The following SMLR1 variants were observed in gnomAD, a reference collection of about 807,000 sequenced individuals.
SMLR1 encodes the protein small leucine-rich protein 1.
A neutral mutation model predicts 6.1 loss-of-function variants in SMLR1; 3 were observed. That is an observed-to-expected ratio of 0.49 (90% CI 0.22 to 1.28). The LOEUF (loss-of-function observed/expected upper bound fraction) is 1.28, where lower values mean the gene tolerates loss of function less well. Ranked by LOEUF, SMLR1 falls within the 50% of genes most tolerant of loss-of-function variation. SMLR1 has a pLI of 0.19. For missense variants in SMLR1, 126 were observed against 124.8 expected (o/e 1.01, Z -0.05); for synonymous variants, 55 against 53.6 (o/e 1.03, Z -0.11).
At position 130,832,045 on chromosome 6, in the gene SMLR1, G is replaced by A. The variant is rs375756836; in HGVS notation, c.239-2825G>A. ...AATTTCCTTGAGGAGTAGCTCTTGG[G>A]GTGGAAGTATGTGTCATGAACTTCC... On this transcript the variant is annotated intron_variant, in intron 1 of 1. Coordinates refer to ENST00000541421, the MANE Select transcript of SMLR1 (RefSeq NM_001195597.2). Among the ~76,000 whole-genome samples the A allele has an allele frequency of 7.2e-5, 11 of 152,210 alleles. No homozygotes were observed. The South Asian group carries it at 1.9e-3, about 26-fold the overall frequency.
rs1419032666 is a variant in SMLR1, at chr6:130,834,876, AAGAACTGTCCC to A, written c.254_264del (p.Ser85Ter). The A allele has an allele frequency of 6.5e-7, 1 of 1,534,972 alleles. No individual in the cohort carries two copies. The highest frequency in any genetic ancestry group is 8.7e-7 in the Non-Finnish European group (1 of 1,146,158). On this transcript the variant is annotated frameshift_variant, in exon 2 of 2. Transcript: ENST00000541421. LOFTEE classifies it low-confidence loss of function (END_TRUNC). ...CTAATATTTTTCCTTTCAGTTAATG[AAGAACTGTCCC>A]AGAACTGTGATCGCCAACATAATCC...
chr6:130,833,610 T>G (rs991116995), intron 1 of SMLR1, among the ~76,000 whole-genome samples: 1 of 152,182 alleles, frequency 6.6e-6, no homozygotes, highest in Non-Finnish European at 1.5e-5. Context: ...TTGGGCAAAT[T>G]ACTTCATCAT....
intron 1 of SMLR1, among the ~76,000 whole-genome samples, chr6:130,833,191 C>T (rs368537846): frequency 6.6e-6 from 1 of 152,148 alleles, no homozygotes; most frequent in Admixed American, 6.5e-5. Flanking sequence ...TTACTTCTCT[C>T]ACTCTCCATA....
At chr6:130,829,378 T>C (rs1188933716) in intron 1 of SMLR1, among the ~76,000 whole-genome samples, 3 of 152,164 alleles carry the variant, frequency 2.0e-5, no homozygotes, top group Non-Finnish European at 4.4e-5. Flanking sequence ...TGGTATTTTA[T>C]TTAGATAATT....
rs531713753 is a variant in SMLR1 at position 130,835,209 on chromosome 6, G to A, written c.*254G>A. 12 of 385,032 alleles carry A rather than the reference G, an allele frequency of 3.1e-5. No homozygotes were observed. The highest frequency in any genetic ancestry group is 5.2e-5 in the Non-Finnish European group (11 of 210,008). 23.9% of individuals were successfully genotyped at this position (385,032 alleles called of 1,614,324 possible). ...CCTGGGTATATACACTGGACACATT[G>A]TAACTTTTTAACTTTTATTGTGACT... On this transcript the variant is annotated 3_prime_UTR_variant, in exon 2 of 2. Coordinates refer to ENST00000541421, the MANE Select transcript of SMLR1 (RefSeq NM_001195597.2).
At chr6:130,830,396 T>C (rs1016974624) in intron 1 of SMLR1, among the ~76,000 whole-genome samples, 2 of 151,670 alleles carry the variant, frequency 1.3e-5, no homozygotes, top group Non-Finnish European at 1.5e-5. Context: ...GAAGAGTGAG[T>C]GAGGAGGCAG....
chr6:130,834,921 G>C lies in SMLR1; in HGVS notation c.290G>C (p.Gly97Ala), dbSNP rs1162030305. The change falls in exon 2 of 2, where the codon GGC becomes GCC. Residue 97 changes from glycine to alanine, a missense_variant. Transcript: ENST00000541421. ...GATCGCCAACATAATCCCAAGGATGGCTCTTCCCTGTACCAGAGAATGAAA... is the reference window on the plus strand; with the variant it reads ...GATCGCCAACATAATCCCAAGGATGCCTCTTCCCTGTACCAGAGAATGAAA... The part of the protein sequence containing the change: ...NCDRQHNPKD[G>A]SSLYQRMKWT 2.6e-6 allele frequency: 4 copies of C among 1,535,246 alleles called. No individual in the cohort carries two copies. In the African/African-American group the frequency reaches 4.1e-5, roughly 16 times the overall value.
At chr6:130,827,731 T>C in intron 1 of SMLR1, 80 bp downstream of exon 1, 2 of 1,021,746 alleles carry the variant, frequency 2.0e-6, no homozygotes, top group Non-Finnish European at 2.9e-6. Flanking sequence ...GCACTGTCAG[T>C]GTTTTCTGGC....
At chr6:130,828,901 C>T (rs897215640) in intron 1 of SMLR1, among the ~76,000 whole-genome samples, 5 of 152,140 alleles carry the variant, frequency 3.3e-5, no homozygotes, top group East Asian at 1.9e-4. Flanking sequence ...CACTGAACCC[C>T]GGAAGTAGCC....
rs183613900 is a variant in SMLR1 at position 130,836,034 on chromosome 6, G to A, written c.*1079G>A. 11 of 152,272 alleles carry A rather than the reference G, an allele frequency of 7.2e-5. No homozygotes were observed. Among genetic ancestry groups the A allele is most frequent in the Non-Finnish European group, 1.3e-4 (9 of 68,010 alleles). The allele number at this position is 152,272 out of a possible 1,614,324, so 9.4% of individuals were successfully genotyped here. On this transcript the variant is annotated 3_prime_UTR_variant, in exon 2 of 2. Coordinates refer to ENST00000541421, the MANE Select transcript of SMLR1 (RefSeq NM_001195597.2). ...AGTAGTGGCTTACAGTCATACTAAA[G>A]GTTGTGTGGATGACCCAAAGCAAAA...
chr6:130,834,779 T>C, intron 1 of SMLR1, 91 bp from the exon 2 acceptor site: 2 of 1,044,490 alleles, frequency 1.9e-6, no homozygotes, highest in South Asian at 1.4e-5. Flanking sequence ...GCCACCAGTG[T>C]CAGATATGCT....
At chr6:130,834,803 T>C (rs1466361928) in intron 1 of SMLR1, 67 bp from the exon 2 acceptor site, 1 of 1,359,986 alleles carries the variant, frequency 7.4e-7, no homozygotes, top group East Asian at 2.5e-5. Context: ...CAACAGCCCT[T>C]ATGAACTCTA....
chr6:130,828,762 G>T (rs6908659), intron 1 of SMLR1, among the ~76,000 whole-genome samples: 101,175 of 151,918 alleles, frequency 0.67, 34,244 homozygotes, highest in South Asian at 0.83. Context: ...TTTTGCTGAG[G>T]GGTCAAGCCA....
In SMLR1 at chr6:130,835,939, T is replaced by C. The variant is rs922826241; in HGVS notation, c.*984T>C. 3 of 152,184 alleles carry C rather than the reference T, an allele frequency of 2.0e-5. No homozygotes were observed. The highest frequency in any genetic ancestry group is 7.2e-5 in the African/African-American group (3 of 41,456). 9.4% of individuals were successfully genotyped at this position (152,184 alleles called of 1,614,324 possible). ...TACATTCCAATCTTTGTGCAGGACA[T>C]TAACAGGCTGAGTGATCCACTTTAT... On this transcript the variant is annotated 3_prime_UTR_variant, in exon 2 of 2. Transcript: ENST00000541421.
At chr6:130,832,318 G>A (rs1010032643) in intron 1 of SMLR1, among the ~76,000 whole-genome samples, 5 of 152,030 alleles carry the variant, frequency 3.3e-5, no homozygotes, top group Non-Finnish European at 7.4e-5. Context: ...GTTTTTGCAC[G>A]GAGTTGGACC....
At chr6:130,834,102 G>A (rs1774560500) in intron 1 of SMLR1, among the ~76,000 whole-genome samples, 1 of 152,178 alleles carries the variant, frequency 6.6e-6, no homozygotes, top group Non-Finnish European at 1.5e-5. Context: ...TGTGTCTTCT[G>A]ATGTACGAGG....
rs558153221 is a variant in SMLR1 at position 130,836,155 on chromosome 6, C to T, written c.*1200C>T. On this transcript the variant is annotated 3_prime_UTR_variant, in exon 2 of 2. Transcript: ENST00000541421. ...CCGTGAGTAGTTTCCATTTGCACTTCTTGCATAATATAAAACTTATTGCTA... is the reference window on the plus strand; with the variant it reads ...CCGTGAGTAGTTTCCATTTGCACTTTTTGCATAATATAAAACTTATTGCTA... The T allele has an allele frequency of 6.6e-6, 1 of 152,314 alleles. No individual in the cohort carries two copies. Among genetic ancestry groups the T allele is most frequent in the African/African-American group, 2.4e-5 (1 of 41,578 alleles). 9.4% of individuals were successfully genotyped at this position (152,314 alleles called of 1,614,324 possible).
chr6:130,832,783 A>G (rs1774505303), intron 1 of SMLR1, among the ~76,000 whole-genome samples: 2 of 152,026 alleles, frequency 1.3e-5, no homozygotes, highest in Admixed American at 1.3e-4. Flanking sequence ...CCGACGCACC[A>G]CCTCTGGAGT....
Position 130,835,218 on chromosome 6 carries a change from T to G in SMLR1, c.*263T>G, listed in dbSNP as rs1032264393. ...ATACACTGGACACATTGTAACTTTTTAACTTTTATTGTGACTGTGTCTGCT... is the reference window on the plus strand; with the variant it reads ...ATACACTGGACACATTGTAACTTTTGAACTTTTATTGTGACTGTGTCTGCT... On this transcript the variant is annotated 3_prime_UTR_variant, in exon 2 of 2. Transcript: ENST00000541421. The G allele has an allele frequency of 5.6e-6, 2 of 360,146 alleles. No individual in the cohort carries two copies. Among genetic ancestry groups the G allele is most frequent in the Non-Finnish European group, 1.0e-5 (2 of 195,046 alleles). 22.3% of individuals were successfully genotyped at this position (360,146 alleles called of 1,614,324 possible).
Sources: allele counts gnomAD v4.1 joint callset (sites outside exome capture counted in the v4.1 genomes callset), GRCh38; gene constraint gnomAD v4.1.1; transcripts MANE v1.5; gene names NCBI Gene and HGNC (gene_info 2026-07-23, HGNC 2026-07-21).